The following ANKRD2 variants were observed in gnomAD, a reference collection of about 807,000 sequenced individuals.
ANKRD2 encodes ankyrin repeat domain 2, also known as ankyrin repeat domain-containing protein 2.
A neutral mutation model predicts 37.3 loss-of-function variants in ANKRD2; 35 were observed. The ratio of observed to expected loss-of-function variants is 0.94; its 90% CI spans 0.72 to 1.24. The LOEUF (loss-of-function observed/expected upper bound fraction) is 1.24. Ranked by LOEUF, ANKRD2 falls within the 50% of genes most tolerant of loss-of-function variation. The probability of loss-of-function intolerance (pLI) is 0.00; values close to 1 mark genes in which losing one functional copy is unlikely to be tolerated. For synonymous variants in ANKRD2, 159 were observed against 186.5 expected (o/e 0.85, Z 1.20); for missense variants, 410 against 445.6 (o/e 0.92, Z 0.72).
At chr10:97,575,860 G>A (rs532599903) in intron 1 of ANKRD2, among the ~76,000 whole-genome samples, 23 of 150,824 alleles carry the variant, frequency 1.5e-4, no homozygotes, top group Admixed American at 1.1e-3. Context: ...ACAGCAAGCC[G>A]AGATCACACC....
chr10:97,579,641 G>A lies in ANKRD2; in HGVS notation c.456+1036G>A, dbSNP rs566330008. On this transcript the variant is annotated intron_variant, in intron 4 of 8. Transcript: ENST00000370655. ...CTTGCTCTGTCCCCCAGGCTGGAGTGCAGCGGTGCGATCTCAGCTCACAGC... is the reference window on the plus strand; with the variant it reads ...CTTGCTCTGTCCCCCAGGCTGGAGTACAGCGGTGCGATCTCAGCTCACAGC... 2.6e-5 allele frequency among the ~76,000 whole-genome samples: 4 copies of A among 151,536 alleles called. No homozygotes were observed. In the East Asian group the frequency reaches 7.8e-4, roughly 29 times the overall value.
At chr10:97,581,531 G>A in intron 6 of ANKRD2, 117 bp downstream of exon 6, 1 of 1,043,090 alleles carries the variant, frequency 9.6e-7, no homozygotes, top group East Asian at 2.5e-5. Flanking sequence ...CTGGTTTCTG[G>A]CTGCAGAGCA....
chr10:97,577,691 C>T (rs1236770136), intron 1 of ANKRD2, 109 bp from the exon 2 acceptor site: 65 of 907,928 alleles, frequency 7.2e-5, no homozygotes, highest in Non-Finnish European at 1.0e-4. Context: ...GCCAGAAGGG[C>T]TCTGAGACCA....
At chr10:97,572,766 C>T, upstream of ANKRD2, 1 of 1,602,180 alleles carries the variant, frequency 6.2e-7, no homozygotes, top group South Asian at 1.1e-5. Flanking sequence ...GCCCCCGAGG[C>T]CCTGTGGCCT....
intron 4 of ANKRD2, 41 bp downstream of exon 4, chr10:97,578,646 T>C (rs2040860549): frequency 1.4e-6 from 2 of 1,458,302 alleles, no homozygotes; most frequent in Non-Finnish European, 1.9e-6. Flanking sequence ...CCCTGTCAGT[T>C]GCCACCCCCA....
chr10:97,579,001 T>C (rs2040864133), intron 4 of ANKRD2, among the ~76,000 whole-genome samples: 1 of 152,020 alleles, frequency 6.6e-6, no homozygotes, highest in Non-Finnish European at 1.5e-5. Context: ...CCTACTTCCC[T>C]CACAACATGT....
chr10:97,572,918 C>T (rs1474739969), intron 1 of ANKRD2, 43 bp downstream of exon 1: 1 of 1,534,648 alleles, frequency 6.5e-7, no homozygotes, highest in Admixed American at 2.0e-5. Flanking sequence ...CTGAGGAGAT[C>T]CAGTTCTGCT....
Position 97,578,383 on chromosome 10 carries a change from A to G in ANKRD2, c.333A>G (p.Pro111=). The change falls in exon 3 of 9, where the codon CCA becomes CCG. Residue 111 remains proline (P), a synonymous_variant. Transcript: ENST00000370655. The part of the protein sequence containing the change: ...DALAASHEPP[P]EPEEITGPVD... ...TGGCCGCCTCGCATGAGCCGCCCCC[A>G]GAGCCCGAGGAGATCGTAAGGGTCC... 2.5e-6 allele frequency: 4 copies of G among 1,613,784 alleles called. No individual in the cohort carries two copies. The highest frequency in any genetic ancestry group is 3.4e-6 in the Non-Finnish European group (4 of 1,179,872).
In ANKRD2 at chr10:97,583,605, G is replaced by C. The variant is rs775418737; in HGVS notation, c.882G>C (p.Gln294His). 110 of 1,605,224 alleles carry C rather than the reference G, an allele frequency of 6.9e-5. No homozygotes were observed. The highest frequency in any genetic ancestry group is 8.8e-5 in the Non-Finnish European group (104 of 1,176,640). ...LAGKTPTDLV[Q>H]LWQADTRHAL... ...GAAAGACCCCGACGGACCTGGTGCA[G>C]CTCTGGCAGGCTGATACCCGGCACG... Residue 294 changes from glutamine (Q) to histidine (H), a missense_variant, in exon 9 of 9, where the codon CAG becomes CAC. Gln to His is a conservative substitution (Grantham distance 24, BLOSUM62 0). Coordinates refer to ENST00000370655, the MANE Select transcript of ANKRD2 (RefSeq NM_001346793.2).
intron 1 of ANKRD2, among the ~76,000 whole-genome samples, chr10:97,574,242 C>A (rs1224706321): frequency 2.6e-5 from 4 of 151,136 alleles, no homozygotes; most frequent in African/African-American, 9.7e-5. Context: ...GAGATCGCAC[C>A]ACTGCACTTC....
chr10:97,580,894 C>A lies in ANKRD2; in HGVS notation c.496C>A (p.His166Asn), dbSNP rs779020525. The stretch of plus-strand genomic sequence containing the variant: ...ACTGCACCGAGCTTCCCTGGAAGGC[C>A]ACATGGAAATCCTGGAGAAGCTTCT... ...TALHRASLEG[H>N]MEILEKLLDN... The change falls in exon 5 of 9, where the codon CAC (histidine) becomes AAC (asparagine). Residue 166 changes from histidine (H) to asparagine (N), a missense_variant. Transcript: ENST00000370655. The A allele has an allele frequency of 6.2e-7, 1 of 1,611,128 alleles. No individual in the cohort carries two copies. The highest frequency in any genetic ancestry group is 1.1e-5 in the South Asian group (1 of 90,308).
At chr10:97,578,144 G>GGCCCCCCCCCCCCCCCCCCCA in intron 2 of ANKRD2, 96 bp from the exon 3 acceptor site, 3 of 685,438 alleles carry the variant, frequency 4.4e-6, no homozygotes, top group African/African-American at 1.8e-5. Context: ...GGGTCTTCCT[G>GGCCCCCCCCCCCCCCCCCCCA]CCCACCCCAC....
rs1477253984 is a variant in ANKRD2 at position 97,580,185 on chromosome 10, AC to A, written c.457-669del. On this transcript the variant is annotated intron_variant, in intron 4 of 8. Transcript: ENST00000370655. Reference sequence around the variant, plus strand: ...AAAAAAACAAAAAAAGCAAAACAAAACAAAAAAACAGACCAGGGTTGGTTCC... The same window carrying A: ...AAAAAAACAAAAAAAGCAAAACAAAAAAAAAAACAGACCAGGGTTGGTTCC... Among the ~76,000 whole-genome samples the A allele has an allele frequency of 9.8e-5, 15 of 152,324 alleles. 1 individual carries two copies. Among genetic ancestry groups the A allele is most frequent in the Middle Eastern group, 6.8e-3 (2 of 294 alleles).
chr10:97,575,583 A>C (rs1364356413), intron 1 of ANKRD2, among the ~76,000 whole-genome samples: 2 of 152,204 alleles, frequency 1.3e-5, no homozygotes, highest in East Asian at 3.8e-4. Flanking sequence ...CAGCCTGGAC[A>C]ACATGGAAAC....
At chr10:97,572,750 T>A (rs537620334), upstream of ANKRD2, 2 of 1,604,574 alleles carry the variant, frequency 1.2e-6, no homozygotes, top group South Asian at 2.3e-5. Context: ...TGCTCTGGCC[T>A]ATAAAGCCCC....
chr10:97,574,945 C>T (rs1278622352), intron 1 of ANKRD2, among the ~76,000 whole-genome samples: 5 of 152,206 alleles, frequency 3.3e-5, no homozygotes, highest in African/African-American at 9.7e-5. Context: ...CAGTGTCTTC[C>T]GTTCATTCAT....
At chr10:97,580,808 C>G (rs764787579) in intron 4 of ANKRD2, 47 bp from the exon 5 acceptor site, 1 of 1,468,768 alleles carries the variant, frequency 6.8e-7, no homozygotes, top group Non-Finnish European at 9.4e-7. Flanking sequence ...GAGATGGGCT[C>G]AGGCCTGGAG....
In ANKRD2 at chr10:97,578,217, G is replaced by C. The variant is rs373804812; in HGVS notation, c.190-23G>C. 3.7e-4 allele frequency: 595 copies of C among 1,606,592 alleles called. 3 individuals are homozygous for C. In the African/African-American group the frequency reaches 7.2e-3, roughly 19 times the overall value. ...CCCAAACTCTCTGCCCGGCCTGGGG[G>C]GTTGATGGGCCATCCCGCGCAGGGC... On this transcript the variant is annotated intron_variant, in intron 2 of 8. Transcript: ENST00000370655.
chr10:97,578,660 C>G, intron 4 of ANKRD2, 55 bp downstream of exon 4: 1 of 1,361,416 alleles, frequency 7.3e-7, no homozygotes, highest in Non-Finnish European at 1.0e-6. Flanking sequence ...ACCCCCACTC[C>G]GTTCGGCTCC....
Sources: gnomAD v4.1 joint callset for allele counts (sites outside exome capture counted in the v4.1 genomes callset) on GRCh38, gnomAD v4.1.1 for gene constraint, MANE v1.5 for transcripts, NCBI Gene and HGNC (gene_info 2026-07-23, HGNC 2026-07-21) for gene names.